STPG2: variants seen among roughly 807,000 people sequenced by gnomAD.
The protein encoded by STPG2 is sperm tail PG-rich repeat containing 2.
Under a neutral mutation model 54.2 loss-of-function variants are expected in STPG2, and 56 were observed. That is an observed-to-expected ratio of 1.03 (90% CI 0.83 to 1.29). STPG2 has a LOEUF of 1.29. Among genes scored for constraint, STPG2 ranks in the 50% most tolerant of loss-of-function variants. The pLI is 0.00. For synonymous variants in STPG2, 200 were observed against 181.8 expected (o/e 1.10, Z -0.81); for missense variants, 596 against 544.9 (o/e 1.09, Z -0.93).
intron 10 of STPG2, among the ~76,000 whole-genome samples, chr4:97,669,515 G>GTTTCA (rs1578467154): frequency 6.8e-5 from 2 of 29,576 alleles, no homozygotes; most frequent in Admixed American, 4.0e-4. Context: ...AGTTTATTGC[G>GTTTCA]GCCGGGCGCG....
chr4:97,592,360 AT>A (rs1311658273), intron 10 of STPG2, among the ~76,000 whole-genome samples: 1 of 152,122 alleles, frequency 6.6e-6, no homozygotes, highest in Non-Finnish European at 1.5e-5. Context: ...GATTATACAC[AT>A]TTTTTTATAC....
At chr4:98,097,656 G>A (rs898768787) in intron 5 of STPG2, among the ~76,000 whole-genome samples, 4 of 152,084 alleles carry the variant, frequency 2.6e-5, no homozygotes, top group Admixed American at 6.5e-5. Context: ...GAAATAAAAG[G>A]CATCCGAACT....
At position 97,531,575 on chromosome 4, in the gene STPG2, G is replaced by A. The variant is rs1731414696; in HGVS notation, c.462+181124C>T. Among the ~76,000 whole-genome samples, 2 of 152,184 alleles carry A rather than the reference G, an allele frequency of 1.3e-5. 1 individual carries two copies. The highest frequency in any genetic ancestry group is 4.1e-4 in the South Asian group (2 of 4,834). ...ATTTGCAACAACATTGATGGAAATGGAGGTCATTATGTTATGTGAGATAAG... is the reference window on the plus strand; with the variant it reads ...ATTTGCAACAACATTGATGGAAATGAAGGTCATTATGTTATGTGAGATAAG... On this transcript the variant is annotated intron_variant, in intron 4 of 4. Coordinates refer to the STPG2 transcript ENST00000522676.
chr4:97,981,887 ATC>A (rs1560621711), intron 5 of STPG2, among the ~76,000 whole-genome samples: 3 of 143,402 alleles, frequency 2.1e-5, no homozygotes, highest in African/African-American at 8.0e-5. Flanking sequence ...GCACTGTATA[ATC>A]TTTTTTTTTT....
chr4:97,862,522 C>A (rs1578633375), intron 8 of STPG2, among the ~76,000 whole-genome samples: 1 of 152,040 alleles, frequency 6.6e-6, no homozygotes, highest in Non-Finnish European at 1.5e-5. Flanking sequence ...CCATGGTCAA[C>A]ATTAGACAGA....
intron 4 of STPG2, among the ~76,000 whole-genome samples, chr4:97,547,339 T>C (rs1731855738): frequency 6.6e-6 from 1 of 151,882 alleles, no homozygotes; most frequent in African/African-American, 2.4e-5. Context: ...GCCCCCTGAA[T>C]AGCTGAGACT....
At chr4:97,961,322 CAA>C (rs1331097883) in intron 7 of STPG2, among the ~76,000 whole-genome samples, 1 of 152,024 alleles carries the variant, frequency 6.6e-6, no homozygotes, top group Non-Finnish European at 1.5e-5. Context: ...AACCCAAAAA[CAA>C]ATGCAAATGC....
intron 4 of STPG2, among the ~76,000 whole-genome samples, chr4:97,534,257 TG>T (rs1731479880): frequency 6.6e-6 from 1 of 152,172 alleles, no homozygotes. Flanking sequence ...TCAAATATTA[TG>T]TGTAATTTTT....
intron 9 of STPG2, among the ~76,000 whole-genome samples, chr4:97,798,348 C>T (rs1266911807): frequency 1.3e-5 from 2 of 152,036 alleles, no homozygotes; most frequent in Non-Finnish European, 1.5e-5. Context: ...CTACCCACTG[C>T]CTTAAATGTG....
At chr4:97,538,979 GA>G (rs745814591) in intron 4 of STPG2, among the ~76,000 whole-genome samples, 2 of 152,152 alleles carry the variant, frequency 1.3e-5, no homozygotes, top group Non-Finnish European at 2.9e-5. Flanking sequence ...ATCCTTTACA[GA>G]TAAGCAAATG....
intron 8 of STPG2, among the ~76,000 whole-genome samples, chr4:97,905,074 G>C (rs1428747400): frequency 6.6e-6 from 1 of 151,866 alleles, no homozygotes; most frequent in Non-Finnish European, 1.5e-5. Context: ...TAGCAAGGCA[G>C]GCCAACATTC....
At chr4:97,984,156 CTTCTTTTT>C (rs965564732) in intron 5 of STPG2, among the ~76,000 whole-genome samples, 20 of 152,082 alleles carry the variant, frequency 1.3e-4, no homozygotes, top group African/African-American at 4.6e-4. Context: ...GTTTCCAATT[CTTCTTTTT>C]TTCTTTTTTT....
intron 8 of STPG2, among the ~76,000 whole-genome samples, chr4:97,868,153 C>T (rs1297588821): frequency 6.6e-6 from 1 of 151,856 alleles, no homozygotes. Context: ...TAGTGTCTTG[C>T]TTGCCTCATA....
chr4:97,837,022 T>C (rs1728655910), intron 9 of STPG2, among the ~76,000 whole-genome samples: 1 of 151,582 alleles, frequency 6.6e-6, no homozygotes, highest in South Asian at 2.1e-4. Flanking sequence ...ATTGAAAAGA[T>C]TAATCCTATC....
chr4:97,550,067 ATTT>A (rs1269601380), intron 4 of STPG2, among the ~76,000 whole-genome samples: 1 of 152,158 alleles, frequency 6.6e-6, no homozygotes, highest in Non-Finnish European at 1.5e-5. Flanking sequence ...ATATTAAAGT[ATTT>A]TTAACTATAA....
intron 8 of STPG2, among the ~76,000 whole-genome samples, chr4:97,909,453 A>G (rs1429979614): frequency 6.6e-6 from 1 of 152,168 alleles, no homozygotes; most frequent in Non-Finnish European, 1.5e-5. Context: ...ACACTTACCA[A>G]CTTTATGTGG....
chr4:97,844,373 C>T (rs969538052), intron 8 of STPG2, among the ~76,000 whole-genome samples: 2 of 151,900 alleles, frequency 1.3e-5, no homozygotes, highest in African/African-American at 2.4e-5. Context: ...AAAAATTTTC[C>T]TTTACCATGC....
intron 8 of STPG2, among the ~76,000 whole-genome samples, chr4:97,900,510 A>G (rs947123557): frequency 1.2e-4 from 18 of 152,220 alleles, no homozygotes; most frequent in African/African-American, 3.8e-4. Flanking sequence ...TACCAAAGAC[A>G]TGGAATCAAC....
intron 5 of STPG2, among the ~76,000 whole-genome samples, chr4:97,981,583 T>A (rs1004946237): frequency 6.6e-6 from 1 of 151,978 alleles, no homozygotes. Context: ...AATCTCAACA[T>A]GAGACTCTAG....
Sources: allele counts gnomAD v4.1 joint callset (sites outside exome capture counted in the v4.1 genomes callset), GRCh38; gene constraint gnomAD v4.1.1; transcripts MANE v1.5; gene names NCBI Gene and HGNC (gene_info 2026-07-23, HGNC 2026-07-21).